The following LRP1B variants were observed in gnomAD, a reference collection of about 807,000 sequenced individuals.
LRP1B encodes low-density lipoprotein receptor-related protein 1B.
A neutral mutation model predicts 556.6 loss-of-function variants in LRP1B; 217 were observed. That is an observed-to-expected ratio of 0.39 (90% CI 0.35 to 0.44). The LOEUF is 0.44. Among genes scored for constraint, LRP1B ranks in the 20% least tolerant of loss-of-function variants. The pLI is 1.00. For synonymous variants in LRP1B, 2,047 were observed against 1,865.8 expected (o/e 1.10, Z -2.50); for missense variants, 5,053 against 5,620.8 (o/e 0.90, Z 3.23).
At position 141,832,216 on chromosome 2, in the gene LRP1B, A is replaced by G. The variant is rs574779709; in HGVS notation, c.83-21815T>C. Among the ~76,000 whole-genome samples, 746 of 151,326 alleles carry G rather than the reference A, an allele frequency of 4.9e-3. 3 individuals carry two copies. Among genetic ancestry groups the G allele is most frequent in the Middle Eastern group, 0.031 (9 of 294 alleles). ...TGGTTCATTTATTTTTTTTTTCTTAAGAACTGATCCATTTGTACAATTACG... is the reference window on the plus strand; with the variant it reads ...TGGTTCATTTATTTTTTTTTTCTTAGGAACTGATCCATTTGTACAATTACG... On this transcript the variant is annotated intron_variant, in intron 1 of 90. Transcript: ENST00000389484.
chr2:141,025,533 C>T (rs1203570020), intron 11 of LRP1B, among the ~76,000 whole-genome samples: 4 of 151,968 alleles, frequency 2.6e-5, no homozygotes, highest in African/African-American at 9.7e-5. Flanking sequence ...AATGTGGGTT[C>T]GCCTCATCCA....
chr2:141,636,259 A>C (rs1689105433), intron 2 of LRP1B, among the ~76,000 whole-genome samples: 1 of 152,188 alleles, frequency 6.6e-6, no homozygotes. Context: ...TACTATCTGG[A>C]ATATGTAAAT....
intron 6 of LRP1B, among the ~76,000 whole-genome samples, chr2:141,189,373 G>A (rs1322792731): frequency 6.6e-6 from 1 of 151,918 alleles, no homozygotes; most frequent in Non-Finnish European, 1.5e-5. Flanking sequence ...CTGACTAGCT[G>A]TCTCACTCAT....
At chr2:141,317,089 G>A (rs903347592) in intron 3 of LRP1B, among the ~76,000 whole-genome samples, 18 of 152,172 alleles carry the variant, frequency 1.2e-4, no homozygotes, top group Admixed American at 7.9e-4. Flanking sequence ...TACAATCAAT[G>A]TGTCTTGATT....
chr2:140,683,507 C>A, intron 41 of LRP1B: 1 of 589,394 alleles, frequency 1.7e-6, no homozygotes, highest in South Asian at 1.6e-5. Flanking sequence ...GAGAAACGCT[C>A]CCCTGGATGT....
intron 1 of LRP1B, among the ~76,000 whole-genome samples, chr2:142,025,079 A>T (rs1216965837): frequency 6.6e-6 from 1 of 151,948 alleles, no homozygotes; most frequent in African/African-American, 2.4e-5. Flanking sequence ...CATACATTTT[A>T]TTTTTTTCCA....
At chr2:141,086,904 G>A (rs752942129) in intron 7 of LRP1B, among the ~76,000 whole-genome samples, 45 of 152,256 alleles carry the variant, frequency 3.0e-4, no homozygotes, top group Middle Eastern at 3.4e-3. Context: ...GCACACCAAT[G>A]GTTCCATTGC....
At chr2:141,441,438 G>A (rs1211373732) in intron 3 of LRP1B, among the ~76,000 whole-genome samples, 3 of 152,072 alleles carry the variant, frequency 2.0e-5, no homozygotes, top group Non-Finnish European at 4.4e-5. Context: ...TGATCCCTAA[G>A]GAATCTCAGT....
chr2:140,859,723 G>A (rs13398637), intron 27 of LRP1B, among the ~76,000 whole-genome samples: 2,437 of 152,144 alleles, frequency 0.016, 32 homozygotes, highest in Middle Eastern at 0.037. Context: ...GGCCGTGTGC[G>A]GTGGCTCCCG....
rs944377112 is a variant in LRP1B at position 141,645,741 on chromosome 2, C to A, written c.205+164538G>T. Among the ~76,000 whole-genome samples, 31 of 151,868 alleles carry A rather than the reference C, an allele frequency of 2.0e-4. No individual in the cohort carries two copies. In the South Asian group the frequency reaches 6.4e-3, roughly 32 times the overall value. On this transcript the variant is annotated intron_variant, in intron 2 of 90. Coordinates refer to ENST00000389484, the MANE Select transcript of LRP1B (RefSeq NM_018557.3). ...GAGACTGGGTCTTAAATGGCCTCAC[C>A]ATGTGGTTTCAAGGACACCACTCTC...
rs2105086776 is a variant in LRP1B at position 140,335,747 on chromosome 2, C to G, written c.11984G>C (p.Ser3995Thr). 1 of 1,612,924 alleles carries G rather than the reference C, an allele frequency of 6.2e-7. No homozygotes were observed. ...ACTGGTCCAGTGAGTAGTGTAGTAA[C>G]TGAACCAATGCATTCTAGAATGATC... is the stretch of plus-strand genomic sequence containing the variant. ...WTDHSRMHWF[S>T]YYTTHWTSLR... The change falls in exon 78 of 91, where the codon AGT becomes ACT. Residue 3995 changes from serine to threonine, a missense_variant. Physicochemically the swap from Ser to Thr is moderately conservative, Grantham distance 58 (BLOSUM62 1). Transcript: ENST00000389484.
intron 32 of LRP1B, among the ~76,000 whole-genome samples, chr2:140,809,216 T>A (rs554805385): frequency 6.6e-6 from 1 of 152,172 alleles, no homozygotes; most frequent in South Asian, 2.1e-4. Context: ...AGCTAGCCTA[T>A]ATAGTAGGTT....
chr2:141,323,785 C>T (rs1482226700), intron 3 of LRP1B, among the ~76,000 whole-genome samples: 1 of 151,930 alleles, frequency 6.6e-6, no homozygotes, highest in Admixed American at 6.6e-5. Flanking sequence ...AACTTCTTCC[C>T]AACCTTTCCA....
At chr2:140,918,690 A>T (rs1395920110) in intron 21 of LRP1B, among the ~76,000 whole-genome samples, 2 of 152,054 alleles carry the variant, frequency 1.3e-5, no homozygotes, top group Non-Finnish European at 2.9e-5. Flanking sequence ...GACCAAATTC[A>T]TGTTGAAATC....
At chr2:141,406,411 C>T (rs543567355) in intron 3 of LRP1B, among the ~76,000 whole-genome samples, 49 of 152,110 alleles carry the variant, frequency 3.2e-4, no homozygotes, top group Middle Eastern at 3.4e-3. Context: ...AGGCAAGGAA[C>T]ATAAGGTCAG....
At position 141,254,578 on chromosome 2, in the gene LRP1B, G is replaced by T. The variant is rs772928742; in HGVS notation, c.407C>A (p.Thr136Lys). Residue 136 changes from threonine to lysine, a missense_variant, in exon 4 of 91, where the codon ACA becomes AAA. Physicochemically the swap from Thr to Lys is moderately conservative, Grantham distance 78. Coordinates refer to ENST00000389484, the MANE Select transcript of LRP1B (RefSeq NM_018557.3). Reference protein sequence around the residue: ...QYKCTMVRNSTRCYCEDGFEI... With the variant: ...QYKCTMVRNSKRCYCEDGFEI... ...GAATCCATCCTCACAGTAACATCTT[G>T]TACTATTTCTGACCATTGTACATTT... 1 of 1,611,356 alleles carries T rather than the reference G, an allele frequency of 6.2e-7. No individual in the cohort carries two copies. The highest frequency in any genetic ancestry group is 8.5e-7 in the Non-Finnish European group (1 of 1,178,216).
At chr2:140,893,876 T>A (rs896015487) in intron 23 of LRP1B, among the ~76,000 whole-genome samples, 4 of 152,182 alleles carry the variant, frequency 2.6e-5, no homozygotes, top group African/African-American at 7.2e-5. Flanking sequence ...TCATTACTCA[T>A]GATGAAAATA....
intron 66 of LRP1B, among the ~76,000 whole-genome samples, chr2:140,403,651 A>C (rs1285161873): frequency 6.6e-6 from 1 of 152,210 alleles, no homozygotes; most frequent in African/African-American, 2.4e-5. Context: ...AAACCTATAC[A>C]TAATTGATGT....
chr2:141,791,773 G>A (rs1436557337), intron 2 of LRP1B, among the ~76,000 whole-genome samples: 1 of 152,038 alleles, frequency 6.6e-6, no homozygotes, highest in Admixed American at 6.6e-5. Context: ...ATGCTAGCCA[G>A]TAAGCAGTCC....
Sources: gnomAD v4.1 joint callset for allele counts (sites outside exome capture counted in the v4.1 genomes callset) on GRCh38, gnomAD v4.1.1 for gene constraint, MANE v1.5 for transcripts, NCBI Gene and HGNC (gene_info 2026-07-23, HGNC 2026-07-21) for gene names.